The following TENM3 variants were observed in gnomAD, a reference collection of about 807,000 sequenced individuals.
The protein encoded by TENM3 is teneurin transmembrane protein 3.
In TENM3, 63 loss-of-function variants were observed where a neutral mutation model predicts 255.1. The ratio of observed to expected loss-of-function variants is 0.25; its 90% confidence interval spans 0.20 to 0.30. TENM3 has a LOEUF of 0.30. Among genes scored for constraint, TENM3 ranks in the 10% least tolerant of loss-of-function variants. The pLI is 1.00. For missense variants in TENM3, 2,929 were observed against 3,461.1 expected, an observed-to-expected ratio of 0.85 and a Z score of 3.86; for synonymous variants, 1,306 against 1,322.3, an observed-to-expected ratio of 0.99 and a Z score of 0.27.
intron 1 of TENM3, among the ~76,000 whole-genome samples, chr4:182,291,257 C>A (rs1254155996): frequency 6.6e-6 from 1 of 152,186 alleles, no homozygotes; most frequent in Non-Finnish European, 1.5e-5. Context: ...GGACAGGAAC[C>A]TGAGCCTGTG....
At chr4:181,628,360 G>A in the TENM3 span, among the ~76,000 whole-genome samples, 2 of 152,160 alleles carry the variant, frequency 1.3e-5, no homozygotes, top group African/African-American at 4.8e-5. Context: ...TGTCAATTTT[G>A]GGTTTTGTTG....
the TENM3 span, among the ~76,000 whole-genome samples, chr4:181,568,103 G>A: frequency 6.6e-6 from 1 of 151,082 alleles, no homozygotes; most frequent in Admixed American, 6.6e-5. Flanking sequence ...CAGTTGACAG[G>A]TTTAGAGCCT....
At chr4:181,957,672 AG>A in the TENM3 span, among the ~76,000 whole-genome samples, 2 of 152,210 alleles carry the variant, frequency 1.3e-5, no homozygotes, top group Admixed American at 6.5e-5. Context: ...CTAACAATTC[AG>A]GCATGTCTAG....
At chr4:181,860,869 C>T in the TENM3 span, among the ~76,000 whole-genome samples, 1 of 152,006 alleles carries the variant, frequency 6.6e-6, no homozygotes, top group Non-Finnish European at 1.5e-5. Flanking sequence ...ATTCAGCTGG[C>T]TTTGGAGATT....
chr4:182,707,989 C>CTTTTTTTTTT (rs111684379), intron 12 of TENM3: 3 of 146,058 alleles, frequency 2.1e-5, no homozygotes, highest in African/African-American at 2.6e-5. Flanking sequence ...GAAAAAACAC[C>CTTTTTTTTTT]TTTTTTTTTT....
At chr4:181,519,389 G>A in the TENM3 span, among the ~76,000 whole-genome samples, 1 of 152,136 alleles carries the variant, frequency 6.6e-6, no homozygotes, top group Non-Finnish European at 1.5e-5. Flanking sequence ...CATTGTTGTA[G>A]CTATTCTCAT....
intron 12 of TENM3, among the ~76,000 whole-genome samples, chr4:182,708,481 C>G (rs901618794): frequency 2.0e-5 from 3 of 152,154 alleles, no homozygotes; most frequent in African/African-American, 7.2e-5. Flanking sequence ...GAAGAGAACC[C>G]AAAACTTTCA....
At chr4:182,748,388 G>A (rs1579331287) in intron 19 of TENM3, among the ~76,000 whole-genome samples, 2 of 152,256 alleles carry the variant, frequency 1.3e-5, no homozygotes, top group South Asian at 2.1e-4. Context: ...AGCCGGTTCC[G>A]TCGTGGTAGC....
the TENM3 span, among the ~76,000 whole-genome samples, chr4:181,725,478 G>A: frequency 4.2e-5 from 6 of 141,296 alleles, no homozygotes; most frequent in East Asian, 2.1e-4. Flanking sequence ...TTTTTTAGAC[G>A]GAGTCTCACT....
chr4:182,473,063 C>T (rs1051734270), intron 3 of TENM3, among the ~76,000 whole-genome samples: 3 of 152,144 alleles, frequency 2.0e-5, no homozygotes, highest in Admixed American at 6.5e-5. Context: ...TTACGAAACT[C>T]CTCAACACTA....
At chr4:182,679,190 C>T (rs1341852527) in intron 7 of TENM3, among the ~76,000 whole-genome samples, 2 of 149,404 alleles carry the variant, frequency 1.3e-5, no homozygotes, top group Non-Finnish European at 3.0e-5. Flanking sequence ...CACATGTACC[C>T]CAGAACTTAA....
intron 22 of TENM3, among the ~76,000 whole-genome samples, chr4:182,765,390 AT>A (rs574883216): frequency 1.3e-5 from 2 of 152,252 alleles, no homozygotes; most frequent in East Asian, 3.9e-4. Context: ...TCTATCCCTA[AT>A]TTTTTGAAAT....
chr4:181,632,996 A>G, the TENM3 span, among the ~76,000 whole-genome samples: 3 of 152,090 alleles, frequency 2.0e-5, no homozygotes, highest in Non-Finnish European at 4.4e-5. Flanking sequence ...TTAGGTGAGG[A>G]TTTTCTCCAT....
the TENM3 span, among the ~76,000 whole-genome samples, chr4:181,985,215 G>GA: frequency 1.7e-3 from 231 of 138,720 alleles, no homozygotes; most frequent in Middle Eastern, 7.5e-3. Context: ...ACTCATAAAA[G>GA]AAAAAAAAAA....
At chr4:181,956,443 G>A in the TENM3 span, among the ~76,000 whole-genome samples, 2 of 152,162 alleles carry the variant, frequency 1.3e-5, no homozygotes, top group African/African-American at 2.4e-5. Flanking sequence ...CCTTTATAAT[G>A]TATGTTCCAT....
chr4:181,584,700 C>A, the TENM3 span, among the ~76,000 whole-genome samples: 16 of 152,112 alleles, frequency 1.1e-4, no homozygotes, highest in Non-Finnish European at 1.9e-4. Flanking sequence ...GTTCCTCTAA[C>A]AATTTTCATC....
At chr4:181,552,440 G>C in the TENM3 span, among the ~76,000 whole-genome samples, 2 of 152,146 alleles carry the variant, frequency 1.3e-5, no homozygotes, top group African/African-American at 2.4e-5. Flanking sequence ...GCAATAGAAA[G>C]CCGATTTGCT....
chr4:182,307,016 T>C (rs914726524), intron 1 of TENM3, among the ~76,000 whole-genome samples: 12 of 152,236 alleles, frequency 7.9e-5, no homozygotes, highest in African/African-American at 2.9e-4. Flanking sequence ...ATTACACGTT[T>C]ACTACCACAT....
At chr4:181,904,474 A>G in the TENM3 span, among the ~76,000 whole-genome samples, 1 of 152,194 alleles carries the variant, frequency 6.6e-6, no homozygotes, top group Non-Finnish European at 1.5e-5. Flanking sequence ...TAAAACTAGT[A>G]TATGCCCATA....
Sources: allele counts gnomAD v4.1 joint callset (sites outside exome capture counted in the v4.1 genomes callset), GRCh38; gene constraint gnomAD v4.1.1; transcripts MANE v1.5; gene names NCBI Gene and HGNC (gene_info 2026-07-23, HGNC 2026-07-21).